ELAVL1: variants seen among roughly 807,000 people sequenced by gnomAD.
The protein encoded by ELAVL1 is ELAV like RNA binding protein 1.
A neutral mutation model predicts 28.4 loss-of-function variants in ELAVL1; 1 was observed. The observed-to-expected ratio is 0.04, with a 90% CI of 0.01 to 0.17. The LOEUF is 0.17. Among genes scored for constraint, ELAVL1 ranks in the 10% least tolerant of loss-of-function variants. The probability of loss-of-function intolerance (pLI) is 1.00; values close to 1 mark genes in which losing one functional copy is unlikely to be tolerated. For missense variants in ELAVL1, 157 were observed against 447.2 expected, an observed-to-expected ratio of 0.35 and a Z score of 5.85; for synonymous variants, 174 against 183.5, an observed-to-expected ratio of 0.95 and a Z score of 0.42.
chr19:8,001,898 A>T (rs2081069288), intron 1 of ELAVL1, among the ~76,000 whole-genome samples: 1 of 152,124 alleles, frequency 6.6e-6, no homozygotes, highest in Non-Finnish European at 1.5e-5. Context: ...CAAAATATAG[A>T]AGCAGTCCCA....
chr19:7,994,577 C>T (rs571665943), intron 1 of ELAVL1, among the ~76,000 whole-genome samples: 2 of 152,286 alleles, frequency 1.3e-5, no homozygotes, highest in South Asian at 4.1e-4. Flanking sequence ...ACTTCATCTT[C>T]GTGAACAATG....
chr19:7,983,613 C>G (rs574355457), intron 2 of ELAVL1, among the ~76,000 whole-genome samples: 1 of 152,244 alleles, frequency 6.6e-6, no homozygotes, highest in South Asian at 2.1e-4. Context: ...GCATCCGGGC[C>G]CCATCTTTCT....
rs1027713396 is a variant in ELAVL1, at chr19:7,979,765, C to T, written c.276+1318G>A. On this transcript the variant is annotated intron_variant, in intron 3 of 5. Transcript: ENST00000407627. The surrounding 1 kb of genome is among the most constrained non-coding windows in gnomAD (Gnocchi z 5.4). ...GAGCCCACTGCACACCACGTCCATGCGGCATGGGGCAGGTCTGGGAGAGCT... is the reference window on the plus strand; with the variant it reads ...GAGCCCACTGCACACCACGTCCATGTGGCATGGGGCAGGTCTGGGAGAGCT... 6.6e-6 allele frequency among the ~76,000 whole-genome samples: 1 copy of T among 152,194 alleles called. No individual in the cohort carries two copies.
chr19:7,967,841 T>C (rs919226902), intron 4 of ELAVL1, 51 bp from the exon 5 acceptor site: 6 of 1,581,766 alleles, frequency 3.8e-6, no homozygotes, highest in African/African-American at 1.4e-5. Flanking sequence ...CGCTAGGACT[T>C]TCAAAACTGA....
chr19:8,002,231 T>C (rs927215305), intron 1 of ELAVL1: 3 of 849,492 alleles, frequency 3.5e-6, no homozygotes, highest in South Asian at 1.4e-5. Flanking sequence ...CCCCACCCTA[T>C]TGTCTTTGCC....
chr19:7,964,218 C>A (rs1984890233), intron 5 of ELAVL1, among the ~76,000 whole-genome samples: 1 of 152,216 alleles, frequency 6.6e-6, no homozygotes, highest in Non-Finnish European at 1.5e-5. Flanking sequence ...GGGGTACGTG[C>A]AGGGGCTGAA....
At chr19:8,005,150 C>A (rs1297785326) in intron 1 of ELAVL1, among the ~76,000 whole-genome samples, 3 of 152,056 alleles carry the variant, frequency 2.0e-5, no homozygotes, top group African/African-American at 7.2e-5. Flanking sequence ...TCCCGGCGCT[C>A]CCCCGTAGCT....
intron 2 of ELAVL1, among the ~76,000 whole-genome samples, chr19:7,990,617 C>G (rs1301139658): frequency 6.6e-6 from 1 of 150,970 alleles, no homozygotes; most frequent in African/African-American, 2.4e-5. Context: ...CCTCCCACCT[C>G]GACCTCCCAA....
rs980078336 is a variant in ELAVL1 at position 7,963,871 on chromosome 19, C to T, written c.657-64G>A. On this transcript the variant is annotated intron_variant, in intron 5 of 5. Transcript: ENST00000407627. This position sits in a 1 kb window ranked among gnomAD's most constrained non-coding sequence, Gnocchi z 4.5. ...CAGGCGGCCTGGGGATGGGGCAAGG[C>T]CTGGACGCATGCTGACCATGGCCGC... 5 of 1,537,438 alleles carry T rather than the reference C, an allele frequency of 3.3e-6. No individual in the cohort carries two copies. The African/African-American group carries it at 5.5e-5, about 17-fold the overall frequency.
chr19:7,986,190 G>A (rs910040950), intron 2 of ELAVL1, among the ~76,000 whole-genome samples: 1 of 152,254 alleles, frequency 6.6e-6, no homozygotes, highest in East Asian at 1.9e-4. Context: ...GGGGTGCAGG[G>A]CTGAGGGGGC....
intron 1 of ELAVL1, among the ~76,000 whole-genome samples, chr19:7,995,212 C>G (rs1484163815): frequency 6.6e-6 from 1 of 152,228 alleles, no homozygotes; most frequent in Non-Finnish European, 1.5e-5. Flanking sequence ...CTGATCCAAA[C>G]AGACCACAAG....
chr19:7,980,536 C>T (rs972670217), intron 3 of ELAVL1, among the ~76,000 whole-genome samples: 1 of 152,146 alleles, frequency 6.6e-6, no homozygotes, highest in African/African-American at 2.4e-5. Flanking sequence ...TATGGCCCTG[C>T]TGGAGGTGCT....
intron 2 of ELAVL1, among the ~76,000 whole-genome samples, chr19:7,985,772 C>G (rs993364225): frequency 6.6e-6 from 1 of 152,160 alleles, no homozygotes. Flanking sequence ...ATGCAGAACC[C>G]GGGAGTGAAA....
At chr19:7,988,276 C>T (rs1015116735) in intron 2 of ELAVL1, among the ~76,000 whole-genome samples, 1 of 152,066 alleles carries the variant, frequency 6.6e-6, no homozygotes, top group Non-Finnish European at 1.5e-5. Flanking sequence ...ATTTAAGGGG[C>T]CGAGGGCTTC....
Position 7,963,152 on chromosome 19 carries a change from G to A in ELAVL1, c.*331C>T, listed in dbSNP as rs1056694090. The A allele has an allele frequency of 3.5e-5, 8 of 226,724 alleles. No individual in the cohort carries two copies. Among genetic ancestry groups the A allele is most frequent in the African/African-American group, 1.4e-4 (6 of 43,902 alleles). The allele number at this position is 226,724 out of a possible 1,614,324, so 14.0% of individuals were successfully genotyped here. On this transcript the variant is annotated 3_prime_UTR_variant, in exon 6 of 6. Coordinates refer to ENST00000407627, the MANE Select transcript of ELAVL1 (RefSeq NM_001419.3). This position sits in a 1 kb window ranked among gnomAD's most constrained non-coding sequence, Gnocchi z 4.5. ...AGTCTGTGGAGACATTGAATGAAAC[G>A]CGTGTTAGACAGTCTTAGAGGTTAA...
intron 3 of ELAVL1, among the ~76,000 whole-genome samples, chr19:7,980,629 T>C (rs926583762): frequency 1.3e-5 from 2 of 152,188 alleles, no homozygotes; most frequent in African/African-American, 2.4e-5. Context: ...CGGTCACACA[T>C]GGCTATCCTC....
chr19:7,978,217 G>A (rs1483644192), intron 3 of ELAVL1, among the ~76,000 whole-genome samples: 2 of 152,252 alleles, frequency 1.3e-5, no homozygotes, highest in African/African-American at 2.4e-5. Flanking sequence ...GAGGAAGCTT[G>A]TAAAACTCCT....
At chr19:7,992,232 C>A (rs991571256) in intron 1 of ELAVL1, among the ~76,000 whole-genome samples, 1 of 152,138 alleles carries the variant, frequency 6.6e-6, no homozygotes, top group East Asian at 1.9e-4. Context: ...TGAGCCACAG[C>A]ACCTGGCCCT....
chr19:7,991,588 G>A, intron 2 of ELAVL1, 56 bp downstream of exon 2: 1 of 1,548,066 alleles, frequency 6.5e-7, no homozygotes, highest in South Asian at 1.2e-5. Flanking sequence ...AAAGGAGACA[G>A]TGCCCAAAGG....
Sources: allele counts gnomAD v4.1 joint callset (sites outside exome capture counted in the v4.1 genomes callset), GRCh38; gene constraint gnomAD v4.1.1; non-coding constraint Gnocchi (gnomAD v3.1); transcripts MANE v1.5; gene names NCBI Gene and HGNC (gene_info 2026-07-23, HGNC 2026-07-21).